FAAH2: variants seen among roughly 807,000 people sequenced by gnomAD.
FAAH2 encodes fatty acid amide hydrolase 2.
FAAH2 carries 60 observed loss-of-function variants against 36.9 expected under a neutral mutation model. The ratio of observed to expected loss-of-function variants is 1.63; its 90% CI spans 1.32 to 2.02. The LOEUF (loss-of-function observed/expected upper bound fraction) is 2.02. Among genes scored for constraint, FAAH2 ranks in the 30% most tolerant of loss-of-function variants. FAAH2 has a pLI of 0.00. For synonymous variants in FAAH2, 214 were observed against 143.8 expected, an observed-to-expected ratio of 1.49 and a Z score of -3.49; for missense variants, 689 against 397.5, an observed-to-expected ratio of 1.73 and a Z score of -6.23.
Position 57,488,935 on chromosome X carries a change from G to T in FAAH2, c.*3G>T. 8.3e-7 allele frequency: 1 copy of T among 1,207,587 alleles called. No individual in the cohort carries two copies. On this transcript the variant is annotated 3_prime_UTR_variant, in exon 11 of 11. Coordinates refer to ENST00000374900, the MANE Select transcript of FAAH2 (RefSeq NM_174912.4). ...GGGTCTGTCCAGGAAAGTTTTAGGA[G>T]GACCTTCTGCAAGGTTAATGTGTGT...
intron 4 of FAAH2, among the ~76,000 whole-genome samples, chrX:57,337,793 A>C (rs1469669885): frequency 1.8e-5 from 2 of 112,253 alleles, no homozygotes; most frequent in African/African-American, 3.2e-5. Flanking sequence ...CTCACAGTCA[A>C]TATCACAATG....
the FAAH2 span, chrX:57,137,088 C>A: frequency 1.3e-4 from 103 of 784,424 alleles, no homozygotes; most frequent in African/African-American, 3.7e-4. Context: ...CCCCCTTTCC[C>A]TGTCGTCCAC....
chrX:57,154,267 CTT>C, the FAAH2 span, among the ~76,000 whole-genome samples: 12 of 94,950 alleles, frequency 1.3e-4, no homozygotes, highest in Admixed American at 1.2e-4. Flanking sequence ...TATGTTGTAT[CTT>C]TTTTTTTTTT....
intron 8 of FAAH2, among the ~76,000 whole-genome samples, chrX:57,434,176 C>A (rs1367872827): frequency 9.3e-6 from 1 of 107,279 alleles, no homozygotes; most frequent in African/African-American, 3.4e-5. Context: ...CCTCTGCTTC[C>A]CTTGTTTTCC....
chrX:57,167,923 T>C, the FAAH2 span, among the ~76,000 whole-genome samples: 2 of 111,311 alleles, frequency 1.8e-5, no homozygotes, highest in Non-Finnish European at 3.8e-5. Context: ...ATCAAGGATG[T>C]TCTGGGCAGA....
intron 5 of FAAH2, among the ~76,000 whole-genome samples, chrX:57,363,345 T>C (rs1207722539): frequency 9.0e-6 from 1 of 111,731 alleles, no homozygotes; most frequent in Non-Finnish European, 1.9e-5. Context: ...ATAAATATAT[T>C]ACATTCTTCA....
chrX:57,125,938 A>G, the FAAH2 span, among the ~76,000 whole-genome samples: 1 of 112,204 alleles, frequency 8.9e-6, no homozygotes, highest in East Asian at 2.8e-4. Context: ...CATCAGCAGT[A>G]TATTGTATAT....
At chrX:57,299,304 G>A (rs183520248) in intron 2 of FAAH2, among the ~76,000 whole-genome samples, 73 of 111,574 alleles carry the variant, frequency 6.5e-4, no homozygotes, top group African/African-American at 1.8e-3. Context: ...GTTCAACATC[G>A]GAAAACGAAT....
chrX:57,376,895 T>C (rs181994574), intron 5 of FAAH2, among the ~76,000 whole-genome samples: 164 of 112,805 alleles, frequency 1.5e-3, no homozygotes, highest in Middle Eastern at 9.2e-3. Flanking sequence ...TTTGCATTTC[T>C]CTAATGACCA....
intron 7 of FAAH2, among the ~76,000 whole-genome samples, chrX:57,406,455 C>G (rs1222512412): frequency 1.8e-5 from 2 of 111,644 alleles, no homozygotes; most frequent in Non-Finnish European, 3.8e-5. Flanking sequence ...TATGGAAACA[C>G]CCACCCTGAT....
the FAAH2 span, among the ~76,000 whole-genome samples, chrX:57,162,870 C>T: frequency 8.8e-6 from 1 of 113,066 alleles, no homozygotes; most frequent in Admixed American, 9.3e-5. Context: ...TTGTCAAAGT[C>T]AATCTCCATC....
At chrX:57,216,524 ATG>A in the FAAH2 span, among the ~76,000 whole-genome samples, 305 of 71,185 alleles carry the variant, frequency 4.3e-3, 26 homozygotes, top group African/African-American at 0.023. Flanking sequence ...ATATACGTAT[ATG>A]TATATATATA....
chrX:57,440,210 A>G (rs1456979578), intron 8 of FAAH2, among the ~76,000 whole-genome samples: 1 of 111,447 alleles, frequency 9.0e-6, no homozygotes, highest in African/African-American at 3.3e-5. Flanking sequence ...CATTTTCAAA[A>G]TATTGATTCT....
At chrX:57,439,927 T>C (rs778047733) in intron 8 of FAAH2, among the ~76,000 whole-genome samples, 1 of 111,761 alleles carries the variant, frequency 8.9e-6, no homozygotes, top group South Asian at 3.8e-4. Context: ...TGTGGCATTA[T>C]TTCTGAGGGT....
At chrX:57,393,982 C>T (rs1445242242) in intron 7 of FAAH2, 7 of 775,265 alleles carry the variant, frequency 9.0e-6, no homozygotes, top group Non-Finnish European at 1.2e-5. Context: ...TATCAGAGAA[C>T]TTTCTCACTC....
chrX:57,306,789 T>C (rs1364726831), intron 2 of FAAH2, among the ~76,000 whole-genome samples: 1 of 95,415 alleles, frequency 1.0e-5, no homozygotes, highest in Non-Finnish European at 2.1e-5. Context: ...ATATGTATAC[T>C]ATATATACAC....
chrX:57,356,724 GTTGA>G (rs1422427817), intron 5 of FAAH2, among the ~76,000 whole-genome samples: 1 of 109,875 alleles, frequency 9.1e-6, no homozygotes, highest in Non-Finnish European at 1.9e-5. Flanking sequence ...TGTTTTTTCT[GTTGA>G]TTTTTTAACT....
the FAAH2 span, among the ~76,000 whole-genome samples, chrX:57,227,364 C>T: frequency 2.7e-5 from 3 of 111,497 alleles, no homozygotes; most frequent in Admixed American, 2.9e-4. Flanking sequence ...TACTCTCCCC[C>T]TTTTCGTGTG....
At chrX:57,477,842 T>C (rs2057301479) in intron 10 of FAAH2, among the ~76,000 whole-genome samples, 2 of 111,714 alleles carry the variant, frequency 1.8e-5, no homozygotes, top group Non-Finnish European at 3.8e-5. Flanking sequence ...GGCTGCATAG[T>C]ATTCCATGGT....
Sources: gnomAD v4.1 joint callset for allele counts (sites outside exome capture counted in the v4.1 genomes callset) on GRCh38, gnomAD v4.1.1 for gene constraint, MANE v1.5 for transcripts, NCBI Gene and HGNC (gene_info 2026-07-23, HGNC 2026-07-21) for gene names.